KCTD3: variants seen among roughly 807,000 people sequenced by gnomAD.
KCTD3 encodes the protein potassium channel tetramerization domain containing 3.
KCTD3 carries 41 observed loss-of-function variants against 85.8 expected under a neutral mutation model. That is an observed-to-expected ratio of 0.48 (90% CI 0.37 to 0.62). KCTD3 has a LOEUF of 0.62. KCTD3 is among the 20% of genes least tolerant of loss of function. The pLI is 0.00. For missense variants in KCTD3, 724 were observed against 989.9 expected, an observed-to-expected ratio of 0.73 and a Z score of 3.60; for synonymous variants, 338 against 345.4, an observed-to-expected ratio of 0.98 and a Z score of 0.24.
chr1:215,586,450 T>G, intron 8 of KCTD3, 45 bp from the exon 9 acceptor site: 2 of 1,502,984 alleles, frequency 1.3e-6, no homozygotes, highest in Non-Finnish European at 1.8e-6. Context: ...TCCGTTTGCT[T>G]CATTGCTGCT....
chr1:215,578,142 T>A, intron 6 of KCTD3, 61 bp downstream of exon 6: 2 of 1,373,086 alleles, frequency 1.5e-6, no homozygotes, highest in Admixed American at 1.8e-5. Context: ...AGTACAAGCA[T>A]ATGAATAGGA....
intron 13 of KCTD3, 21 bp from the exon 14 acceptor site, chr1:215,607,996 T>C: frequency 1.3e-6 from 2 of 1,580,192 alleles, no homozygotes; most frequent in East Asian, 2.2e-5. Context: ...TGTATTCTTT[T>C]GTGTTCTCTT....
chr1:215,597,062 C>T (rs1422861676), intron 10 of KCTD3, among the ~76,000 whole-genome samples: 22 of 151,972 alleles, frequency 1.4e-4, no homozygotes. Context: ...CCTGGGATCC[C>T]ATGTAGTTCT....
Position 215,608,127 on chromosome 1 carries a change from G to A in KCTD3, c.1420G>A (p.Glu474Lys). 6.2e-7 allele frequency: 1 copy of A among 1,611,702 alleles called. No homozygotes were observed. The highest frequency in any genetic ancestry group is 8.5e-7 in the Non-Finnish European group (1 of 1,178,704). Residue 474 changes from glutamate to lysine, a missense_variant, in exon 14 of 18, where the codon GAG becomes AAG. By Grantham distance (56) the Glu-to-Lys change is moderately conservative (BLOSUM62 1). Around this residue, in one of 6 missense-constraint regions of KCTD3, gnomAD observed 136 missense variants for 197.6 expected, o/e 0.69. Transcript: ENST00000259154. ...AGCGTCATTCAAGATACTATCCCTG[G>A]AGGAGACAGAAAGTCATGGTAGCTA... is the stretch of plus-strand genomic sequence containing the variant. ...PLASFKILSL[E>K]ETESHGSYSS... is the part of the protein sequence containing the mutation.
At chr1:215,579,178 T>C (rs1350742564) in intron 7 of KCTD3, 41 bp downstream of exon 7, 11 of 1,541,550 alleles carry the variant, frequency 7.1e-6, no homozygotes, top group Non-Finnish European at 8.9e-6. Context: ...AAAATACGTA[T>C]GTTTTTAGTG....
Position 215,601,924 on chromosome 1 carries a change from G to C in KCTD3, c.991G>C (p.Gly331Arg). The change falls in exon 11 of 18, where the codon GGA becomes CGA. Residue 331 changes from glycine to arginine, a missense_variant. Coordinates refer to ENST00000259154, the MANE Select transcript of KCTD3 (RefSeq NM_016121.5). ...CACTGCTGGATCATTCCTTCTGCTT[G>C]GATGTAACAATGGATCAATATATTA... is the stretch of plus-strand genomic sequence containing the variant. ...YDTAGSFLLL[G>R]CNNGSIYYID... is the part of the protein sequence containing the mutation. 2.5e-6 allele frequency: 4 copies of C among 1,605,110 alleles called. No individual in the cohort carries two copies. The highest frequency in any genetic ancestry group is 3.4e-6 in the Non-Finnish European group (4 of 1,172,446).
intron 8 of KCTD3, among the ~76,000 whole-genome samples, chr1:215,585,828 T>C (rs977569332): frequency 6.6e-6 from 1 of 152,190 alleles, no homozygotes; most frequent in African/African-American, 2.4e-5. Flanking sequence ...CTTTTACATA[T>C]GGGTAGTCAT....
chr1:215,576,114 G>A (rs560180992), intron 4 of KCTD3, 140 bp downstream of exon 4: 1 of 590,470 alleles, frequency 1.7e-6, no homozygotes, highest in Non-Finnish European at 3.0e-6. Flanking sequence ...AGGCTGGAGT[G>A]CAGGAGTGCA....
intron 9 of KCTD3, among the ~76,000 whole-genome samples, chr1:215,590,031 C>A (rs1660152210): frequency 6.6e-6 from 1 of 152,082 alleles, no homozygotes; most frequent in Non-Finnish European, 1.5e-5. Context: ...CCAAAAGTAC[C>A]TTTTTACATT....
chr1:215,611,787 TTTAA>T (rs1223130906), intron 14 of KCTD3, 34 bp from the exon 15 acceptor site: 1 of 1,323,834 alleles, frequency 7.6e-7, no homozygotes, highest in Non-Finnish European at 1.1e-6. Context: ...AAAATAAAAT[TTTAA>T]TTAATTTTTT....
chr1:215,579,622 C>T lies in KCTD3; in HGVS notation c.536-287C>T, dbSNP rs2677115. On this transcript the variant is annotated intron_variant, in intron 7 of 17. Coordinates refer to ENST00000259154, the MANE Select transcript of KCTD3 (RefSeq NM_016121.5). ...TACGCCATTCTCCTGCCTCAGCCTC[C>T]GGAGTAGCTGGGACTACAGGCGGCC... 9.7e-3 allele frequency among the ~76,000 whole-genome samples: 1,468 copies of T among 152,090 alleles called. 36 individuals are homozygous for T. Among genetic ancestry groups the T allele is most frequent in the African/African-American group, 0.033 (1,373 of 41,494 alleles).
chr1:215,619,900 TAAA>T (rs1436675777), intron 17 of KCTD3, among the ~76,000 whole-genome samples, 154 bp from the exon 18 acceptor site: 1 of 152,180 alleles, frequency 6.6e-6, no homozygotes, highest in Non-Finnish European at 1.5e-5. Context: ...ATCTATATAA[TAAA>T]GAGTACTTGA....
intron 15 of KCTD3, among the ~76,000 whole-genome samples, chr1:215,614,035 T>TG (rs1558245511): frequency 2.2e-4 from 31 of 139,380 alleles, no homozygotes; most frequent in African/African-American, 7.5e-4. Flanking sequence ...TTTTTTTTTT[T>TG]TTTTTTTTTT....
chr1:215,618,899 C>T lies in KCTD3; in HGVS notation c.1576C>T (p.Gln526Ter). The part of the protein sequence containing the change: ...SSTGKRICEI[Q>*]AVDCTTISSF... ...TTTCTTTTGCAGAATATGTGAGATC[C>T]AGGCTGTTGACTGTACTACAATATC... The change falls in exon 16 of 18, where the codon CAG becomes TAG. Residue 526 changes from glutamine to a stop codon, truncating the protein, a stop_gained. Transcript: ENST00000259154. LOFTEE classifies it high-confidence loss of function. The T allele has an allele frequency of 6.2e-7, 1 of 1,603,156 alleles. No individual in the cohort carries two copies. Among genetic ancestry groups the T allele is most frequent in the Non-Finnish European group, 8.5e-7 (1 of 1,177,440 alleles).
At chr1:215,585,611 G>T (rs1176266675) in intron 8 of KCTD3, among the ~76,000 whole-genome samples, 1 of 152,084 alleles carries the variant, frequency 6.6e-6, no homozygotes, top group Non-Finnish European at 1.5e-5. Flanking sequence ...TGCATTATTT[G>T]TTGAGTTTAA....
intron 10 of KCTD3, among the ~76,000 whole-genome samples, chr1:215,597,478 C>T (rs142541903): frequency 5.0e-4 from 76 of 152,186 alleles, no homozygotes; most frequent in African/African-American, 1.7e-3. Context: ...CTCATATCAA[C>T]GTAGACAGCT....
chr1:215,618,958 T>C lies in KCTD3; in HGVS notation c.1635T>C (p.Ser545=). The stretch of plus-strand genomic sequence containing the variant: ...CAGTGAGGGAATGTGAGGGATCCAG[T>C]AGGATGGGCTCAAGACCAAGGCGCT... ...SFTVRECEGS[S]RMGSRPRRYL... is the part of the protein sequence containing the mutation. The change falls in exon 16 of 18, where the codon AGT becomes AGC. Residue 545 remains serine (S), a synonymous_variant. Transcript: ENST00000259154. 1 of 1,613,744 alleles carries C rather than the reference T, an allele frequency of 6.2e-7. No individual in the cohort carries two copies. The highest frequency in any genetic ancestry group is 8.5e-7 in the Non-Finnish European group (1 of 1,179,782).
At chr1:215,589,087 A>G (rs979216173) in intron 9 of KCTD3, among the ~76,000 whole-genome samples, 17 of 152,094 alleles carry the variant, frequency 1.1e-4, no homozygotes, top group African/African-American at 4.1e-4. Context: ...TCTGGATTAA[A>G]TGAGTTTTTT....
At chr1:215,571,925 C>G (rs1298602557) in intron 1 of KCTD3, among the ~76,000 whole-genome samples, 1 of 152,204 alleles carries the variant, frequency 6.6e-6, no homozygotes, top group East Asian at 1.9e-4. Context: ...GCCACCGCGC[C>G]TAGCCGAGAT....
Sources: gnomAD v4.1 joint callset for allele counts (sites outside exome capture counted in the v4.1 genomes callset) on GRCh38, gnomAD v4.1.1 for gene constraint, gnomAD v4.1.1 regional missense constraint, MANE v1.5 for transcripts, NCBI Gene and HGNC (gene_info 2026-07-23, HGNC 2026-07-21) for gene names.